The following FAM185A variants were observed in gnomAD, a reference collection of about 807,000 sequenced individuals.
FAM185A encodes the protein protein FAM185A.
A neutral mutation model predicts 45.7 loss-of-function variants in FAM185A; 21 were observed. That is an observed-to-expected ratio of 0.46 (90% confidence interval 0.33 to 0.66). FAM185A has a LOEUF of 0.66. Ranked by LOEUF, FAM185A falls within the 30% of genes least tolerant of loss-of-function variation. The probability of loss-of-function intolerance (pLI) is 0.03; values close to 1 mark genes in which losing one functional copy is unlikely to be tolerated. For synonymous variants in FAM185A, 117 were observed against 194.0 expected (o/e 0.60, Z 3.30); for missense variants, 305 against 485.4 (o/e 0.63, Z 3.49).
At chr7:102,769,866 C>A (rs1008350245) in intron 4 of FAM185A, among the ~76,000 whole-genome samples, 8 of 151,388 alleles carry the variant, frequency 5.3e-5, no homozygotes, top group African/African-American at 1.9e-4. Context: ...AATAGCTAAC[C>A]CACTCCCTCT....
chr7:102,780,759 CA>C (rs1276344329), intron 6 of FAM185A, among the ~76,000 whole-genome samples: 2 of 152,194 alleles, frequency 1.3e-5, no homozygotes. Flanking sequence ...GTGATTTTTA[CA>C]TTTCCCACTG....
At chr7:102,776,116 A>ACACATATACACACACACACAC (rs1198677194) in intron 5 of FAM185A, among the ~76,000 whole-genome samples, 4 of 126,590 alleles carry the variant, frequency 3.2e-5, no homozygotes, top group African/African-American at 1.1e-4. Flanking sequence ...ACACACACAC[A>ACACATATACACACACACACAC]AATGTTTTCT....
chr7:102,842,488 A>T, the FAM185A span, among the ~76,000 whole-genome samples: 5 of 152,248 alleles, frequency 3.3e-5, no homozygotes, highest in African/African-American at 4.8e-5. Flanking sequence ...CTATCAACTG[A>T]TGAGAATGAT....
At chr7:102,765,237 A>G (rs953332288) in intron 4 of FAM185A, among the ~76,000 whole-genome samples, 3 of 152,222 alleles carry the variant, frequency 2.0e-5, no homozygotes, top group Non-Finnish European at 4.4e-5. Context: ...AGACAGTACT[A>G]TAACACAGAT....
intron 7 of FAM185A, among the ~76,000 whole-genome samples, chr7:102,793,239 T>C (rs1393403074): frequency 6.6e-6 from 1 of 151,808 alleles, no homozygotes; most frequent in Admixed American, 6.6e-5. Flanking sequence ...TGAGACGGAG[T>C]CTCTCTCTAT....
chr7:102,757,829 A>G (rs1334790164), intron 2 of FAM185A, 25 bp from the exon 3 acceptor site: 1 of 1,499,510 alleles, frequency 6.7e-7, no homozygotes. Context: ...TTTTCACTAT[A>G]TGTATTTTTA....
chr7:102,785,438 G>A (rs1795724733), intron 6 of FAM185A, among the ~76,000 whole-genome samples: 1 of 151,680 alleles, frequency 6.6e-6, no homozygotes, highest in African/African-American at 2.4e-5. Context: ...TATACTACAA[G>A]GCTACAGTAA....
Position 102,749,289 on chromosome 7 carries a change from C to T in FAM185A, c.82C>T (p.Arg28Cys). ...GGTCCGACTGTGGGCTGGCGCTGGG[C>T]GCTGGGCTTGCTGGGCTTGCCAAGC... The part of the protein sequence containing the change: ...RQVRLWAGAG[R>C]WACWACQARP... Residue 28 changes from arginine (R) to cysteine (C), a missense_variant, in exon 1 of 8, where the codon CGC becomes TGC. Coordinates refer to ENST00000413034, the MANE Select transcript of FAM185A (RefSeq NM_001145268.2). 6.5e-7 allele frequency: 1 copy of T among 1,550,108 alleles called. No homozygotes were observed. The highest frequency in any genetic ancestry group is 1.2e-5 in the South Asian group (1 of 84,012).
chr7:102,823,814 C>T, the FAM185A span, among the ~76,000 whole-genome samples: 5 of 152,162 alleles, frequency 3.3e-5, no homozygotes, highest in East Asian at 1.9e-4. Context: ...GAAAAAGAGA[C>T]GTTGCCATTG....
intron 4 of FAM185A, 94 bp downstream of exon 4, chr7:102,761,505 G>A: frequency 3.8e-6 from 4 of 1,065,580 alleles, no homozygotes; most frequent in Middle Eastern, 2.2e-4. Context: ...CAGGAAACTG[G>A]CCTTTTAAAT....
the FAM185A span, among the ~76,000 whole-genome samples, chr7:102,832,148 G>C: frequency 6.6e-6 from 1 of 152,204 alleles, no homozygotes; most frequent in African/African-American, 2.4e-5. Flanking sequence ...TCTCCCTTAA[G>C]CTTTTATATG....
At chr7:102,802,012 C>T (rs1184302548) in intron 7 of FAM185A, among the ~76,000 whole-genome samples, 3 of 151,782 alleles carry the variant, frequency 2.0e-5, no homozygotes, top group Non-Finnish European at 4.4e-5. Context: ...CATTTATGCA[C>T]CTACCACTGA....
At chr7:102,811,053 G>A (rs949527753), downstream of FAM185A, among the ~76,000 whole-genome samples, 2 of 152,188 alleles carry the variant, frequency 1.3e-5, no homozygotes, top group African/African-American at 4.8e-5. Context: ...ATTTGGTATG[G>A]TTGTGGTGTG....
At chr7:102,847,662 G>A in the FAM185A span, among the ~76,000 whole-genome samples, 2 of 152,040 alleles carry the variant, frequency 1.3e-5, no homozygotes, top group Non-Finnish European at 2.9e-5. Flanking sequence ...GAGTAGCTGG[G>A]ACTAGAGGTG....
At chr7:102,762,635 C>T (rs545636760) in intron 4 of FAM185A, among the ~76,000 whole-genome samples, 1 of 152,200 alleles carries the variant, frequency 6.6e-6, no homozygotes, top group South Asian at 2.1e-4. Context: ...ATGGTTAGTG[C>T]TAATCATGCT....
At chr7:102,782,283 T>G (rs929339390) in intron 6 of FAM185A, among the ~76,000 whole-genome samples, 7 of 152,270 alleles carry the variant, frequency 4.6e-5, no homozygotes, top group African/African-American at 1.7e-4. Context: ...ACATTCAGAT[T>G]GAGGAAATAC....
At chr7:102,759,653 C>T (rs1234538924) in intron 3 of FAM185A, among the ~76,000 whole-genome samples, 1 of 152,030 alleles carries the variant, frequency 6.6e-6, no homozygotes, top group African/African-American at 2.4e-5. Flanking sequence ...CTGGCTCCAC[C>T]ATTCACTAAG....
chr7:102,807,783 G>T (rs1341820751), intron 7 of FAM185A, among the ~76,000 whole-genome samples: 1 of 151,946 alleles, frequency 6.6e-6, no homozygotes. Context: ...AGTAGGCTGG[G>T]CGTGGTGGCT....
the FAM185A span, among the ~76,000 whole-genome samples, chr7:102,823,055 C>G: frequency 6.6e-6 from 1 of 152,090 alleles, no homozygotes; most frequent in Admixed American, 6.5e-5. Context: ...AGTGACAGAG[C>G]AAGACCCTGT....
Sources: allele counts gnomAD v4.1 joint callset (sites outside exome capture counted in the v4.1 genomes callset), GRCh38; gene constraint gnomAD v4.1.1; transcripts MANE v1.5; gene names NCBI Gene and HGNC (gene_info 2026-07-23, HGNC 2026-07-21).